Variants in PARD3 observed in about 807,000 individuals in gnomAD.
PARD3 encodes partitioning defective 3 homolog.
PARD3 carries 75 observed loss-of-function variants against 155.4 expected under a neutral mutation model. The observed-to-expected ratio is 0.48, with a 90% CI of 0.40 to 0.58. The LOEUF is 0.58. Ranked by LOEUF, PARD3 falls within the 20% of genes least tolerant of loss-of-function variation. The probability of loss-of-function intolerance (pLI) is 0.00; values close to 1 mark genes in which losing one functional copy is unlikely to be tolerated. For missense variants in PARD3, 1,642 were observed against 1,721.7 expected (o/e 0.95, Z 0.82); for synonymous variants, 576 against 610.5 (o/e 0.94, Z 0.83).
chr10:34,798,923 A>ACCTGAAGAGCTT (rs1842584159), intron 1 of PARD3, among the ~76,000 whole-genome samples: 1 of 152,300 alleles, frequency 6.6e-6, no homozygotes, highest in South Asian at 2.1e-4. Flanking sequence ...ACAGACAACC[A>ACCTGAAGAGCTT]CCTGAAGAGC....
chr10:34,206,950 A>G (rs138354531), intron 22 of PARD3, among the ~76,000 whole-genome samples: 173 of 152,186 alleles, frequency 1.1e-3, no homozygotes, highest in African/African-American at 3.7e-3. Flanking sequence ...TATCACCTAT[A>G]ATTTCACAGG....
intron 22 of PARD3, among the ~76,000 whole-genome samples, chr10:34,243,778 C>G (rs1014285474): frequency 1.3e-5 from 2 of 152,018 alleles, no homozygotes; most frequent in Non-Finnish European, 2.9e-5. Flanking sequence ...CCACTGCACC[C>G]CAGCCTGGGT....
chr10:34,170,053 C>T (rs539559713), intron 22 of PARD3, among the ~76,000 whole-genome samples: 7 of 152,294 alleles, frequency 4.6e-5, no homozygotes, highest in East Asian at 1.9e-4. Flanking sequence ...CATTATTAGA[C>T]GTTTATAGCT....
intron 22 of PARD3, among the ~76,000 whole-genome samples, chr10:34,232,824 A>T (rs945807313): frequency 6.6e-6 from 1 of 151,854 alleles, no homozygotes; most frequent in Admixed American, 6.6e-5. Context: ...TCTCAGCCCC[A>T]CAAGTAGCTA....
intron 22 of PARD3, among the ~76,000 whole-genome samples, chr10:34,180,267 G>A (rs898594801): frequency 2.6e-5 from 4 of 152,050 alleles, no homozygotes; most frequent in Non-Finnish European, 5.9e-5. Context: ...GGATGGTCTC[G>A]GTCTCCTCAC....
chr10:34,321,596 T>G (rs1345013792), intron 19 of PARD3, among the ~76,000 whole-genome samples: 1 of 152,238 alleles, frequency 6.6e-6, no homozygotes, highest in African/African-American at 2.4e-5. Context: ...TCAAGTTTCT[T>G]TTTTTAAAGA....
intron 5 of PARD3, 105 bp downstream of exon 5, chr10:34,450,212 A>C: frequency 9.4e-7 from 1 of 1,062,870 alleles, no homozygotes; most frequent in Non-Finnish European, 1.4e-6. Flanking sequence ...TTGTTAGAAT[A>C]ATTAACTTTT....
At chr10:34,526,046 C>A (rs1007448642) in intron 2 of PARD3, among the ~76,000 whole-genome samples, 4 of 133,214 alleles carry the variant, frequency 3.0e-5, no homozygotes, top group Non-Finnish European at 6.1e-5. Flanking sequence ...CGCACCACTG[C>A]ACTTCAGCCT....
At chr10:34,224,442 G>T (rs909181660) in intron 22 of PARD3, among the ~76,000 whole-genome samples, 1 of 152,188 alleles carries the variant, frequency 6.6e-6, no homozygotes, top group Non-Finnish European at 1.5e-5. Flanking sequence ...TCTTCCACAG[G>T]CACAGGGCAC....
intron 1 of PARD3, among the ~76,000 whole-genome samples, chr10:34,792,787 G>A (rs1283353734): frequency 2.0e-5 from 3 of 152,218 alleles, no homozygotes; most frequent in Non-Finnish European, 4.4e-5. Context: ...CGCCAAAGAA[G>A]GAGACTGCAG....
intron 4 of PARD3, among the ~76,000 whole-genome samples, chr10:34,464,804 A>G (rs1445663267): frequency 6.6e-6 from 1 of 152,194 alleles, no homozygotes; most frequent in Non-Finnish European, 1.5e-5. Flanking sequence ...CCCTGGTAAT[A>G]AGAATAGCCA....
intron 5 of PARD3, among the ~76,000 whole-genome samples, chr10:34,421,593 C>T (rs1846193772): frequency 6.6e-6 from 1 of 152,052 alleles, no homozygotes; most frequent in South Asian, 2.1e-4. Context: ...CTTTTCCTAG[C>T]TGCAAGCTCA....
chr10:34,310,294 G>A (rs999496213), intron 20 of PARD3, among the ~76,000 whole-genome samples: 9 of 152,146 alleles, frequency 5.9e-5, no homozygotes, highest in African/African-American at 1.4e-4. Context: ...TCAATGGTGC[G>A]ATAGTATTTA....
intron 7 of PARD3, among the ~76,000 whole-genome samples, chr10:34,389,664 G>C (rs1842692379): frequency 6.6e-6 from 1 of 152,306 alleles, no homozygotes; most frequent in African/African-American, 2.4e-5. Flanking sequence ...GGCAGAATAT[G>C]AGTGGGCAGA....
chr10:34,192,345 A>G (rs573656778), intron 22 of PARD3, among the ~76,000 whole-genome samples: 4 of 151,922 alleles, frequency 2.6e-5, no homozygotes, highest in African/African-American at 7.2e-5. Context: ...AGACCCTCCC[A>G]CCTTGGCCTC....
At chr10:34,517,500 A>G (rs759141715) in intron 2 of PARD3, among the ~76,000 whole-genome samples, 29 of 152,238 alleles carry the variant, frequency 1.9e-4, no homozygotes, top group Non-Finnish European at 1.2e-4. Context: ...GTGTGTATAT[A>G]TATGAGTATA....
rs1265626625 is a variant in PARD3 at position 34,339,704 on chromosome 10, T to G, written c.2408+1923A>C. On this transcript the variant is annotated intron_variant, in intron 16 of 24. Coordinates refer to ENST00000374788, the MANE Select transcript of PARD3 (RefSeq NM_001184785.2). ...GCCATTTGACATGGCCTTCGACAAC[T>G]GTGCAGTGAACTACATGTACAATTT... Among the ~76,000 whole-genome samples the G allele has an allele frequency of 2.0e-5, 3 of 152,328 alleles. No individual in the cohort carries two copies. In the East Asian group the frequency reaches 5.8e-4, roughly 29 times the overall value.
At chr10:34,796,480 G>C (rs1489146768) in intron 1 of PARD3, among the ~76,000 whole-genome samples, 1 of 152,080 alleles carries the variant, frequency 6.6e-6, no homozygotes, top group African/African-American at 2.4e-5. Flanking sequence ...TATCAACTTG[G>C]GGTTAAGTGT....
intron 1 of PARD3, among the ~76,000 whole-genome samples, chr10:34,698,104 T>C (rs2094208233): frequency 6.6e-6 from 1 of 151,946 alleles, no homozygotes; most frequent in Non-Finnish European, 1.5e-5. Flanking sequence ...CCAATCAACT[T>C]AAATATCAAC....
Sources: gnomAD v4.1 joint callset for allele counts (sites outside exome capture counted in the v4.1 genomes callset) on GRCh38, gnomAD v4.1.1 for gene constraint, MANE v1.5 for transcripts, NCBI Gene and HGNC (gene_info 2026-07-23, HGNC 2026-07-21) for gene names.